DGKZ: variants seen among roughly 807,000 people sequenced by gnomAD.
DGKZ encodes the protein DAG kinase zeta.
In DGKZ, 45 loss-of-function variants were observed where a neutral mutation model predicts 142.5. That is an observed-to-expected ratio of 0.32 (90% CI 0.25 to 0.40). The LOEUF is 0.40. Among genes scored for constraint, DGKZ ranks in the 10% least tolerant of loss-of-function variants. The pLI, the probability that DGKZ is intolerant of heterozygous loss-of-function variation, is 1.00. For synonymous variants in DGKZ, 442 were observed against 527.0 expected (o/e 0.84, Z 2.21); for missense variants, 755 against 1,306.5 (o/e 0.58, Z 6.51).
At chr11:46,335,942 T>C (rs1939991626) in intron 1 of DGKZ, among the ~76,000 whole-genome samples, 1 of 152,298 alleles carries the variant, frequency 6.6e-6, no homozygotes, top group Admixed American at 6.5e-5. Flanking sequence ...ATGGTGGCCC[T>C]TTTCACATCC....
chr11:46,333,494 A>G, intron 1 of DGKZ: 1 of 1,542,582 alleles, frequency 6.5e-7, no homozygotes, highest in Non-Finnish European at 8.7e-7. Flanking sequence ...ACAGGTAAGG[A>G]GGACGTGGGC....
Position 46,367,826 on chromosome 11 carries a change from C to T in DGKZ, c.366+79C>T, listed in dbSNP as rs1276314962. 3.2e-6 allele frequency: 5 copies of T among 1,579,806 alleles called. No individual in the cohort carries two copies. Among genetic ancestry groups the T allele is most frequent in the Non-Finnish European group, 4.3e-6 (5 of 1,152,298 alleles). On this transcript the variant is annotated intron_variant, in intron 3 of 30. Coordinates refer to ENST00000527911, the Ensembl canonical transcript of DGKZ. This position sits in a 1 kb window ranked among gnomAD's most constrained non-coding sequence, Gnocchi z 4.1. ...CCCTTCCGGGAACGTGGGATTGAGC[C>T]CGCTCCCTGGCACCCCTGCTGTGGG...
At chr11:46,371,271 T>C (rs767476363) in intron 6 of DGKZ, 42 bp from the exon 7 acceptor site, 1 of 1,594,482 alleles carries the variant, frequency 6.3e-7, no homozygotes, top group East Asian at 2.2e-5. Context: ...GGTCTGCTGC[T>C]CCACGCCTGC....
upstream of DGKZ, chr11:46,345,153 A>T: frequency 1.3e-6 from 1 of 775,518 alleles, no homozygotes; most frequent in Non-Finnish European, 1.8e-6. This position sits in a 1 kb window ranked among gnomAD's most constrained non-coding sequence, Gnocchi z 4.1. Context: ...GAGGAAAACC[A>T]GACAGGAGCC....
Position 46,367,731 on chromosome 11 carries a change from G to A in DGKZ, c.350G>A (p.Cys117Tyr). Residue 117 changes from cysteine to tyrosine, a missense_variant, in exon 3 of 31, where the codon TGT becomes TAT. Cys to Tyr is a radical substitution (Grantham distance 194). This residue lies in a region of DGKZ where 142 missense variants were observed against 244.4 expected (regional missense o/e 0.58). Transcript: ENST00000527911. This position sits in a 1 kb window ranked among gnomAD's most constrained non-coding sequence, Gnocchi z 4.1. ...TTCTGCTACGTTGGGGAGCAGTACT[G>A]TGTAGCCAGGATGCTGGTGAGTGCT... is the stretch of plus-strand genomic sequence containing the variant. 1 of 1,613,348 alleles carries A rather than the reference G, an allele frequency of 6.2e-7. No homozygotes were observed. Among genetic ancestry groups the A allele is most frequent in the Non-Finnish European group, 8.5e-7 (1 of 1,179,990 alleles).
chr11:46,333,228 C>A, exon 1 of DGKZ: 1 of 1,237,782 alleles, frequency 8.1e-7, no homozygotes, highest in Non-Finnish European at 1.0e-6. Context: ...CGAACTTGAG[C>A]GGGTGCCCGA....
chr11:46,379,712 T>G (rs1590662160), intron 30 of DGKZ, 119 bp from the exon 31 acceptor site: 1 of 1,284,616 alleles, frequency 7.8e-7, no homozygotes, highest in Non-Finnish European at 1.1e-6. Flanking sequence ...GAGGAGCTGG[T>G]GGGCAGAGAG....
chr11:46,375,779 TTGG>T (rs1944458606), intron 20 of DGKZ, 69 bp from the exon 21 acceptor site: 22 of 1,530,288 alleles, frequency 1.4e-5, no homozygotes, highest in Middle Eastern at 4.2e-4. Context: ...GGCAAGTGGT[TTGG>T]TGCCAGGCCG....
At chr11:46,333,354 C>A in exon 1 of DGKZ, 1 of 1,368,486 alleles carries the variant, frequency 7.3e-7, no homozygotes, top group East Asian at 3.1e-5. Flanking sequence ...GGAGGTGGTG[C>A]GGCGGCGATG....
chr11:46,351,406 T>C (rs543173432), intron 1 of DGKZ, among the ~76,000 whole-genome samples: 1 of 152,226 alleles, frequency 6.6e-6, no homozygotes, highest in East Asian at 1.9e-4. Flanking sequence ...TGTGAGACAA[T>C]GGGTCCCATT....
exon 27 of DGKZ, chr11:46,378,488 C>G (rs760611803): frequency 6.2e-7 from 1 of 1,608,750 alleles, no homozygotes; most frequent in Admixed American, 1.7e-5. Flanking sequence ...CCAAGAGGAA[C>G]GACTTCTGTA....
intron 4 of DGKZ, 23 bp from the exon 5 acceptor site, chr11:46,369,471 G>C (rs1209387581): frequency 6.2e-7 from 1 of 1,614,084 alleles, no homozygotes; most frequent in Non-Finnish European, 8.5e-7. Context: ...TGACATTTTG[G>C]TGGTCACTGC....
At chr11:46,344,771 G>A (rs934519770), upstream of DGKZ, among the ~76,000 whole-genome samples, 1 of 152,156 alleles carries the variant, frequency 6.6e-6, no homozygotes, top group Non-Finnish European at 1.5e-5. Context: ...CCACTTTACA[G>A]ATGAGAAAAC....
rs376422351 is a variant in DGKZ, at chr11:46,366,005, C to T, written c.162-1286C>T. On this transcript the variant is annotated intron_variant, in intron 1 of 30. Transcript: ENST00000527911. ...GTGCAATGGGGGAGAGCATCAGTGC[C>T]CCAACAGCTGTAAACGTGGGCTCCC... The T allele has an allele frequency of 1.7e-4, 170 of 985,194 alleles. No homozygotes were observed. In the South Asian group the frequency reaches 2.8e-3, roughly 16 times the overall value. 61.0% of individuals were successfully genotyped at this position (985,194 alleles called of 1,614,324 possible).
intron 1 of DGKZ, chr11:46,364,704 G>A: frequency 8.1e-6 from 8 of 985,466 alleles, no homozygotes; most frequent in Non-Finnish European, 9.6e-6. Flanking sequence ...GGAAGGAGAA[G>A]GTGCTAGACG....
chr11:46,354,254 A>T (rs909735802), intron 1 of DGKZ, among the ~76,000 whole-genome samples: 1 of 152,190 alleles, frequency 6.6e-6, no homozygotes, highest in Non-Finnish European at 1.5e-5. Flanking sequence ...TGGCACAATC[A>T]TAGCTCACTG....
exon 1 of DGKZ, chr11:46,333,282 G>A (rs533730571): frequency 3.7e-5 from 46 of 1,256,182 alleles, no homozygotes; most frequent in African/African-American, 1.6e-4. Flanking sequence ...CACGATGGCC[G>A]AGGGGCAGGG....
At chr11:46,336,117 C>T (rs916310556) in intron 1 of DGKZ, among the ~76,000 whole-genome samples, 1 of 152,186 alleles carries the variant, frequency 6.6e-6, no homozygotes, top group African/African-American at 2.4e-5. Context: ...GAAGCGGAAG[C>T]GGGCTGAAGG....
exon 1 of DGKZ, chr11:46,333,048 A>T: frequency 2.8e-6 from 1 of 357,740 alleles, no homozygotes; most frequent in Non-Finnish European, 4.9e-6. Flanking sequence ...TCCAGCCAGG[A>T]GCCCCCGCCC....
Sources: allele counts gnomAD v4.1 joint callset (sites outside exome capture counted in the v4.1 genomes callset), GRCh38; gene constraint gnomAD v4.1.1; regional missense constraint gnomAD v4.1.1; non-coding constraint Gnocchi (gnomAD v3.1); transcripts MANE v1.5; gene names NCBI Gene and HGNC (gene_info 2026-07-23, HGNC 2026-07-21).